Variants in NPAS4 observed in about 807,000 individuals in gnomAD.
NPAS4 encodes neuronal PAS domain protein 4.
In NPAS4, 10 loss-of-function variants were observed where a neutral mutation model predicts 64.0. That is an observed-to-expected ratio of 0.16 (90% CI 0.10 to 0.26). The LOEUF (loss-of-function observed/expected upper bound fraction) is 0.26, where lower values mean the gene tolerates loss of function less well. Among genes scored for constraint, NPAS4 ranks in the 10% least tolerant of loss-of-function variants. The pLI is 1.00. For missense variants in NPAS4, 886 were observed against 992.6 expected (o/e 0.89, Z 1.44); for synonymous variants, 441 against 411.7 (o/e 1.07, Z -0.86).
Position 66,426,011 on chromosome 11 carries a change from G to A in NPAS4, c.*22G>A. The A allele has an allele frequency of 6.3e-7, 1 of 1,595,896 alleles. No homozygotes were observed. ...TTGAATAAGTCTGTGACTTAACGTC[G>A]TCAAGTATGGCATATTGTCATCAAG... On this transcript the variant is annotated 3_prime_UTR_variant, in exon 8 of 8. Transcript: ENST00000311034.
chr11:66,425,717 C>T (rs746838364), intron 7 of NPAS4, among the ~76,000 whole-genome samples: 16 of 152,196 alleles, frequency 1.1e-4, no homozygotes, highest in African/African-American at 1.7e-4. Context: ...AAAAGAAAGA[C>T]GAGGCTCAGC....
chr11:66,420,853 C>A (rs1044956086), upstream of NPAS4, among the ~76,000 whole-genome samples: 1 of 152,220 alleles, frequency 6.6e-6, no homozygotes. Flanking sequence ...CTCCCTCCCT[C>A]TCTCATTCTA....
Position 66,424,116 on chromosome 11 carries a change from A to T in NPAS4, c.1226A>T (p.Glu409Val). The T allele has an allele frequency of 1.2e-6, 2 of 1,613,950 alleles. No homozygotes were observed. The highest frequency in any genetic ancestry group is 4.5e-5 in the East Asian group (2 of 44,842). Residue 409 changes from glutamate (E) to valine (V), a missense_variant, in exon 7 of 8, where the codon GAG (glutamate) becomes GTG (valine). Physicochemically the swap from Glu to Val is moderately radical, Grantham distance 121. This residue lies in a region of NPAS4 where 820 missense variants were observed against 855.5 expected (regional missense o/e 0.96). Transcript: ENST00000311034. ...FSYLTFPSGP[E>V]PSLQAELSKD... is the part of the protein sequence containing the mutation. ...TACCTGACATTCCCTTCTGGGCCTG[A>T]GCCTTCTCTCCAAGCAGAACTAAGC...
At chr11:66,422,347 G>C (rs1314499010) in intron 2 of NPAS4, 76 bp downstream of exon 2, 2 of 1,529,766 alleles carry the variant, frequency 1.3e-6, no homozygotes, top group Non-Finnish European at 1.8e-6. Context: ...TGAGGAACTG[G>C]GAATTACTAT....
chr11:66,419,053 G>A (rs1590691431), upstream of NPAS4, among the ~76,000 whole-genome samples: 1 of 152,292 alleles, frequency 6.6e-6, no homozygotes, highest in African/African-American at 2.4e-5. Flanking sequence ...AATTTCATAC[G>A]GAAGGGGATC....
upstream of NPAS4, among the ~76,000 whole-genome samples, chr11:66,420,408 C>T (rs942905005): frequency 2.6e-5 from 4 of 152,248 alleles, no homozygotes; most frequent in African/African-American, 9.6e-5. Flanking sequence ...GCCGCCAAGG[C>T]CCGATTTGGG....
chr11:66,417,761 A>C (rs1856687147), upstream of NPAS4, among the ~76,000 whole-genome samples: 1 of 152,192 alleles, frequency 6.6e-6, no homozygotes, highest in Non-Finnish European at 1.5e-5. Flanking sequence ...TTGTAGACAT[A>C]AATACACACA....
Position 66,422,915 on chromosome 11 carries a change from C to T in NPAS4, c.672C>T (p.Asp224=). Residue 224 remains aspartate, a synonymous_variant, in exon 4 of 8, where the codon GAC becomes GAT. Transcript: ENST00000311034. ...LAMFQSRHAK[D]LALLDISESV... is the part of the protein sequence containing the mutation. ...TGTTCCAGAGCCGCCATGCTAAAGA[C>T]CTGGCTCTACTGGACATCTCCGAGA... is the stretch of plus-strand genomic sequence containing the variant. 2 of 1,606,968 alleles carry T rather than the reference C, an allele frequency of 1.2e-6. No homozygotes were observed. The highest frequency in any genetic ancestry group is 1.3e-5 in the African/African-American group (1 of 75,056).
chr11:66,420,723 G>A (rs1457783600), upstream of NPAS4, among the ~76,000 whole-genome samples: 1 of 152,148 alleles, frequency 6.6e-6, no homozygotes, highest in East Asian at 1.9e-4. Context: ...TCAACTGAAC[G>A]CATTCAGACG....
rs1856838679 is a variant in NPAS4, at chr11:66,426,386, C to G, written c.*397C>G. On this transcript the variant is annotated 3_prime_UTR_variant, in exon 8 of 8. Coordinates refer to ENST00000311034, the MANE Select transcript of NPAS4 (RefSeq NM_178864.4). ...AGGGCCCACCCGGGCCAGCCCGTGCCCTGAGGGGCTCTTGACACCCACGTA... is the reference window on the plus strand; with the variant it reads ...AGGGCCCACCCGGGCCAGCCCGTGCGCTGAGGGGCTCTTGACACCCACGTA... The G allele has an allele frequency of 5.4e-6, 1 of 185,334 alleles. No individual in the cohort carries two copies. Among genetic ancestry groups the G allele is most frequent in the Admixed American group, 5.7e-5 (1 of 17,582 alleles). 11.5% of individuals were successfully genotyped at this position (185,334 alleles called of 1,614,324 possible). A position where few individuals can be genotyped will look rare whatever the true frequency, so the allele number is the denominator to read the frequency against.
In NPAS4 at chr11:66,424,790, C is replaced by G; in HGVS notation, c.1900C>G (p.Arg634Gly). The G allele has an allele frequency of 6.2e-7, 1 of 1,613,754 alleles. No homozygotes were observed. Among genetic ancestry groups the G allele is most frequent in the Non-Finnish European group, 8.5e-7 (1 of 1,179,772 alleles). Reference protein sequence around the residue: ...YSEKEQNEIDRLIQQISQLAQ... With the variant: ...YSEKEQNEIDGLIQQISQLAQ... ...TGAAAAGGAGCAGAATGAGATAGAC[C>G]GTCTCATCCAGCAGATTAGCCAATT... The change falls in exon 7 of 8, where the codon CGT becomes GGT. Residue 634 changes from arginine (R) to glycine (G), a missense_variant. By Grantham distance (125) the Arg-to-Gly change is moderately radical. Around this residue, in one of 3 missense-constraint regions of NPAS4, gnomAD observed 820 missense variants for 855.5 expected, o/e 0.96. Transcript: ENST00000311034.
chr11:66,421,378 G>T (rs766469284), intron 1 of NPAS4, 24 bp downstream of exon 1: 2 of 1,608,784 alleles, frequency 1.2e-6, no homozygotes, highest in Non-Finnish European at 8.5e-7. Context: ...GGCTACCGCA[G>T]ATCCGAGCTG....
chr11:66,419,291 G>T (rs1856702852), upstream of NPAS4, among the ~76,000 whole-genome samples: 1 of 152,074 alleles, frequency 6.6e-6, no homozygotes, highest in Non-Finnish European at 1.5e-5. Context: ...CTGCCAAAAT[G>T]CATAAGACAC....
In NPAS4 at chr11:66,425,269, A is replaced by T. The variant is rs748774729; in HGVS notation, c.2379A>T (p.Glu793Asp). The T allele has an allele frequency of 1.3e-6, 2 of 1,496,530 alleles. No homozygotes were observed. The highest frequency in any genetic ancestry group is 1.8e-4 in the Middle Eastern group (1 of 5,550). 92.7% of individuals were successfully genotyped at this position (1,496,530 alleles called of 1,614,324 possible). Residue 793 changes from glutamate (E) to aspartate (D), a missense_variant and splice_region_variant, in exon 7 of 8, where the codon GAA (glutamate) becomes GAT (aspartate). By Grantham distance (45) the Glu-to-Asp change is conservative. Coordinates refer to ENST00000311034, the MANE Select transcript of NPAS4 (RefSeq NM_178864.4). Reference sequence around the variant, plus strand: ...GCCAAGTTCAAGACAGCTTCCATGAAGGTGAGTCAGCCAAAAGGTCCAAGA... The same window carrying T: ...GCCAAGTTCAAGACAGCTTCCATGATGGTGAGTCAGCCAAAAGGTCCAAGA... ...LQSQVQDSFH[E>D]DGSGGEPTF
intron 1 of NPAS4, 142 bp from the exon 2 acceptor site, chr11:66,421,978 C>A (rs1442902773): frequency 1.3e-5 from 9 of 697,402 alleles, no homozygotes; most frequent in Non-Finnish European, 2.2e-5. Flanking sequence ...CCAAGAGCTG[C>A]GGGCAGCGGG....
chr11:66,416,851 G>A (rs545726818), upstream of NPAS4: 18 of 152,210 alleles, frequency 1.2e-4, no homozygotes, highest in African/African-American at 4.1e-4. Context: ...CAAGATCCTT[G>A]CTCCAAATCT....
intron 3 of NPAS4, 25 bp from the exon 4 acceptor site, chr11:66,422,649 T>C (rs745871427): frequency 2.5e-6 from 4 of 1,612,598 alleles, no homozygotes; most frequent in Non-Finnish European, 3.4e-6. Context: ...CACCCTCTTA[T>C]CTGTTTTTCT....
Position 66,424,835 on chromosome 11 carries a change from C to A in NPAS4, c.1945C>A (p.Pro649Thr). The change falls in exon 7 of 8, where the codon CCC becomes ACC. Residue 649 changes from proline (P) to threonine (T), a missense_variant. By Grantham distance (38) the Pro-to-Thr change is conservative (BLOSUM62 -1). Transcript: ENST00000311034. Reference protein sequence around the residue: ...ISQLAQGMDRPFSAEAGTGGL... With the variant: ...ISQLAQGMDRTFSAEAGTGGL... ...CCAATTGGCTCAGGGCATGGACAGA[C>A]CCTTCTCAGCTGAGGCTGGCACTGG... 1 of 1,613,422 alleles carries A rather than the reference C, an allele frequency of 6.2e-7. No homozygotes were observed. Among genetic ancestry groups the A allele is most frequent in the Non-Finnish European group, 8.5e-7 (1 of 1,179,718 alleles).
chr11:66,423,513 C>T (rs1267165315), intron 5 of NPAS4, 65 bp from the exon 6 acceptor site: 2 of 1,592,252 alleles, frequency 1.3e-6, no homozygotes, highest in East Asian at 4.5e-5. Flanking sequence ...GAGAGGTGAC[C>T]AAGGGTGGGG....
Sources: allele counts gnomAD v4.1 joint callset (sites outside exome capture counted in the v4.1 genomes callset), GRCh38; gene constraint gnomAD v4.1.1; regional missense constraint gnomAD v4.1.1; transcripts MANE v1.5; gene names NCBI Gene and HGNC (gene_info 2026-07-23, HGNC 2026-07-21).